Variants in FGD3 observed in about 807,000 individuals in gnomAD.
The protein encoded by FGD3 is FYVE, RhoGEF and PH domain containing 3, also known as FYVE, RhoGEF and PH domain-containing protein 3.
FGD3 carries 45 observed loss-of-function variants against 71.8 expected under a neutral mutation model. The ratio of observed to expected loss-of-function variants is 0.63; its 90% CI spans 0.49 to 0.80. The LOEUF (loss-of-function observed/expected upper bound fraction) is 0.80, where lower values mean the gene tolerates loss of function less well. Among genes scored for constraint, FGD3 ranks in the 30% least tolerant of loss-of-function variants. The pLI is 0.00. For synonymous variants in FGD3, 378 were observed against 392.8 expected, an observed-to-expected ratio of 0.96 and a Z score of 0.44; for missense variants, 844 against 951.5, an observed-to-expected ratio of 0.89 and a Z score of 1.49.
intron 3 of FGD3, among the ~76,000 whole-genome samples, chr9:92,977,307 C>T (rs1054667280): frequency 2.0e-5 from 3 of 152,056 alleles, no homozygotes; most frequent in African/African-American, 4.8e-5. Context: ...TTCTCATTAG[C>T]GTTTATGGGG....
In FGD3 at chr9:93,035,760, C is replaced by A; in HGVS notation, c.*171C>A. On this transcript the variant is annotated 3_prime_UTR_variant, in exon 18 of 18. Coordinates refer to ENST00000375482, the MANE Select transcript of FGD3 (RefSeq NM_001083536.2). ...GAAACTGAGGCCCAGAGAGGGGCAACCACTGGCCAAGGGTCACCCAGCAAG... is the reference window on the plus strand; with the variant it reads ...GAAACTGAGGCCCAGAGAGGGGCAAACACTGGCCAAGGGTCACCCAGCAAG... 4.8e-6 allele frequency: 5 copies of A among 1,034,740 alleles called. No individual in the cohort carries two copies. The highest frequency in any genetic ancestry group is 2.8e-5 in the East Asian group (1 of 35,738). The allele number at this position is 1,034,740 out of a possible 1,614,324, so 64.1% of individuals were successfully genotyped here.
chr9:93,009,465 C>T (rs757027028), intron 6 of FGD3, among the ~76,000 whole-genome samples: 3 of 152,164 alleles, frequency 2.0e-5, no homozygotes, highest in Non-Finnish European at 4.4e-5. Flanking sequence ...GAGTTGCTGG[C>T]AGGTGGGTGG....
At chr9:92,951,509 C>T (rs1858953590) in intron 1 of FGD3, among the ~76,000 whole-genome samples, 2 of 152,158 alleles carry the variant, frequency 1.3e-5, no homozygotes, top group South Asian at 4.2e-4. Context: ...AAATCCTTGT[C>T]TGCAAAAAAT....
rs141068844 is a variant in FGD3, at chr9:92,998,343, C to T, written c.454-4582C>T. 1.3e-3 allele frequency among the ~76,000 whole-genome samples: 191 copies of T among 152,310 alleles called. 2 individuals are homozygous for T. The East Asian group carries it at 0.034, about 27-fold the overall frequency. The stretch of plus-strand genomic sequence containing the variant: ...ATCAGGTCATTTAAGGACTTCTCTA[C>T]ACTGGTTATTCTAGTTAGCTATTCG... On this transcript the variant is annotated intron_variant, in intron 3 of 17. Transcript: ENST00000375482.
chr9:93,030,552 T>G, intron 15 of FGD3, among the ~76,000 whole-genome samples: 1 of 152,252 alleles, frequency 6.6e-6, no homozygotes, highest in East Asian at 1.9e-4. Flanking sequence ...AGGAAGGAAC[T>G]GATCATTTAA....
At chr9:93,029,703 G>A (rs1862281056) in intron 14 of FGD3, among the ~76,000 whole-genome samples, 171 bp from the exon 15 acceptor site, 1 of 152,252 alleles carries the variant, frequency 6.6e-6, no homozygotes, top group South Asian at 2.1e-4. Flanking sequence ...GTGAGGGAGG[G>A]AAGAGAGACG....
rs774432531 is a variant in FGD3, at chr9:93,013,918, G to T, written c.1102G>T (p.Ala368Ser). Residue 368 changes from alanine (A) to serine (S), a missense_variant, in exon 9 of 18, where the codon GCC becomes TCC. By Grantham distance (99) the Ala-to-Ser change is moderately conservative. Transcript: ENST00000375482. Reference protein sequence around the residue: ...LGGEEDIVNPANELIKEGQIQ... With the variant: ...LGGEEDIVNPSNELIKEGQIQ... ...TGGGGAAGAAGACATTGTCAACCCG[G>T]CCAATGAACTGATCAAGGAGGGCCA... The T allele has an allele frequency of 6.8e-6, 11 of 1,613,000 alleles. No individual in the cohort carries two copies. In the South Asian group the frequency reaches 8.8e-5, roughly 13 times the overall value.
At chr9:92,977,435 G>A (rs1345579616) in intron 3 of FGD3, among the ~76,000 whole-genome samples, 2 of 152,154 alleles carry the variant, frequency 1.3e-5, no homozygotes, top group African/African-American at 4.8e-5. Context: ...ACCAGGTCCT[G>A]GGAGCGCTTT....
Position 93,006,034 on chromosome 9 carries a change from C to A in FGD3, c.691C>A (p.Pro231Thr). The A allele has an allele frequency of 6.2e-7, 1 of 1,604,358 alleles. No homozygotes were observed. Among genetic ancestry groups the A allele is most frequent in the Non-Finnish European group, 8.5e-7 (1 of 1,175,456 alleles). The change falls in exon 6 of 18, where the codon CCA (proline) becomes ACA (threonine). Residue 231 changes from proline (P) to threonine (T), a missense_variant. Pro to Thr is a conservative substitution (Grantham distance 38). Transcript: ENST00000375482. ...CATTTCTCCACGAAGGGACACAAAC[C>A]CACGGCTCGGGGACATCCTGCAGAA... ...TRITEEWDTN[P>T]RLGDILQKLA...
At position 93,003,098 on chromosome 9, in the gene FGD3, T is replaced by G. The variant is rs1040309965; in HGVS notation, c.543+84T>G. On this transcript the variant is annotated intron_variant, in intron 4 of 17. Coordinates refer to ENST00000375482, the MANE Select transcript of FGD3 (RefSeq NM_001083536.2). This position sits in a 1 kb window ranked among gnomAD's most constrained non-coding sequence, Gnocchi z 4.1. ...GGTGCAGTGTGAATGACTTAAATACTAAAACTCAGACAAATTTAAGTCTGG... is the reference window on the plus strand; with the variant it reads ...GGTGCAGTGTGAATGACTTAAATACGAAAACTCAGACAAATTTAAGTCTGG... The G allele has an allele frequency of 7.9e-7, 1 of 1,262,614 alleles. No individual in the cohort carries two copies. Among genetic ancestry groups the G allele is most frequent in the African/African-American group, 1.5e-5 (1 of 66,150 alleles). The allele number at this position is 1,262,614 out of a possible 1,614,324, so 78.2% of individuals were successfully genotyped here.
intron 3 of FGD3, among the ~76,000 whole-genome samples, chr9:93,000,239 C>T (rs539216049): frequency 1.3e-5 from 2 of 152,294 alleles, no homozygotes; most frequent in South Asian, 4.1e-4. Context: ...CCTCTCCCTG[C>T]TCTGATTGAT....
At chr9:92,949,375 T>C (rs1012338198) in intron 1 of FGD3, among the ~76,000 whole-genome samples, 6 of 152,136 alleles carry the variant, frequency 3.9e-5, no homozygotes, top group African/African-American at 1.4e-4. Context: ...AAGCCTGTCA[T>C]CCATGACAGT....
At chr9:93,028,995 G>GTTTTTTTTTTTTTTTTTTTTT in intron 14 of FGD3, among the ~76,000 whole-genome samples, 1 of 51,716 alleles carries the variant, frequency 1.9e-5, no homozygotes, top group Non-Finnish European at 3.7e-5. Context: ...TGTCCTCACA[G>GTTTTTTTTTTTTTTTTTTTTT]TTTTTTTTTT....
rs760768174 is a variant in FGD3, at chr9:93,011,241, C to A, written c.1004C>A (p.Ala335Asp). Residue 335 changes from alanine to aspartate, a missense_variant, in exon 8 of 18, where the codon GCC (alanine) becomes GAC (aspartate). Coordinates refer to ENST00000375482, the MANE Select transcript of FGD3 (RefSeq NM_001083536.2). ...TCCTTGGAGCTCATCTCCACAGCCG[C>A]CAACCACTCCAATGCTGCCATTCGG... ...ERSLELISTA[A>D]NHSNAAIRKV... 1.2e-6 allele frequency: 2 copies of A among 1,614,206 alleles called. No individual in the cohort carries two copies. The highest frequency in any genetic ancestry group is 1.7e-6 in the Non-Finnish European group (2 of 1,180,020).
intron 1 of FGD3, among the ~76,000 whole-genome samples, chr9:92,949,983 C>T (rs1168806372): frequency 6.6e-6 from 1 of 152,116 alleles, no homozygotes; most frequent in African/African-American, 2.4e-5. Flanking sequence ...TCTCCTTTTC[C>T]TCCTACTCCC....
At chr9:92,960,306 C>T (rs755359082) in intron 1 of FGD3, among the ~76,000 whole-genome samples, 3 of 151,958 alleles carry the variant, frequency 2.0e-5, no homozygotes, top group Non-Finnish European at 2.9e-5. Context: ...CCATATCCCT[C>T]GTGTCCCCAA....
At chr9:92,954,947 T>C (rs1315654293) in intron 1 of FGD3, among the ~76,000 whole-genome samples, 1 of 152,158 alleles carries the variant, frequency 6.6e-6, no homozygotes. Context: ...CCTGCATTCA[T>C]GGAACTCACG....
At chr9:92,995,312 G>A (rs909177054) in intron 3 of FGD3, among the ~76,000 whole-genome samples, 4 of 152,250 alleles carry the variant, frequency 2.6e-5, no homozygotes, top group African/African-American at 9.6e-5. Context: ...TGTGATTTTT[G>A]CAAATTGATT....
chr9:93,033,676 T>C (rs1403610687), intron 16 of FGD3: 1 of 152,886 alleles, frequency 6.5e-6, no homozygotes, highest in Non-Finnish European at 1.5e-5. Context: ...TTCTCTCCAC[T>C]CGACACAGCC....
Sources: allele counts gnomAD v4.1 joint callset (sites outside exome capture counted in the v4.1 genomes callset), GRCh38; gene constraint gnomAD v4.1.1; non-coding constraint Gnocchi (gnomAD v3.1); transcripts MANE v1.5; gene names NCBI Gene and HGNC (gene_info 2026-07-23, HGNC 2026-07-21).